Variants in BCAR3 observed in about 807,000 individuals in gnomAD.
BCAR3 encodes breast cancer anti-estrogen resistance protein 3.
Under a neutral mutation model 80.1 loss-of-function variants are expected in BCAR3, and 37 were observed. The ratio of observed to expected loss-of-function variants is 0.46; its 90% CI spans 0.36 to 0.61. BCAR3 has a LOEUF of 0.61. BCAR3 is among the 20% of genes least tolerant of loss of function. BCAR3 has a pLI of 0.00. For missense variants in BCAR3, 978 were observed against 1,068.2 expected (o/e 0.92, Z 1.18); for synonymous variants, 389 against 418.9 (o/e 0.93, Z 0.87).
intron 2 of BCAR3, among the ~76,000 whole-genome samples, chr1:93,706,305 G>C (rs1007114743): frequency 2.0e-5 from 3 of 152,022 alleles, no homozygotes; most frequent in African/African-American, 7.3e-5. Context: ...ACCTTCTCTG[G>C]GCTGCAGAGC....
chr1:93,652,144 G>T (rs1020201513), intron 2 of BCAR3, among the ~76,000 whole-genome samples: 1 of 152,198 alleles, frequency 6.6e-6, no homozygotes, highest in African/African-American at 2.4e-5. Context: ...AACCCAGCAA[G>T]GCCTGCTACG....
intron 2 of BCAR3, among the ~76,000 whole-genome samples, chr1:93,742,837 T>C (rs973463199): frequency 7.2e-5 from 11 of 152,142 alleles, no homozygotes; most frequent in Admixed American, 5.2e-4. Flanking sequence ...ATATAATTAT[T>C]TCAGAAATGC....
intron 3 of BCAR3, among the ~76,000 whole-genome samples, chr1:93,704,568 C>T (rs369314271): frequency 2.0e-5 from 3 of 152,228 alleles, no homozygotes; most frequent in African/African-American, 4.8e-5. Context: ...TTATACTACA[C>T]TTCACCACAT....
intron 2 of BCAR3, among the ~76,000 whole-genome samples, chr1:93,744,814 C>T (rs141107235): frequency 9.7e-4 from 148 of 152,290 alleles, no homozygotes; most frequent in African/African-American, 3.1e-3. Context: ...GTCTTCCCCA[C>T]GAGGAAATCC....
chr1:93,716,997 C>T (rs908009974), intron 2 of BCAR3, among the ~76,000 whole-genome samples: 4 of 152,244 alleles, frequency 2.6e-5, no homozygotes, highest in African/African-American at 7.2e-5. Flanking sequence ...ATCAATTTCT[C>T]TACTCCTTGA....
chr1:93,846,692 C>T (rs988376516), intron 1 of BCAR3: 3 of 338,316 alleles, frequency 8.9e-6, no homozygotes, highest in Non-Finnish European at 1.7e-5. Flanking sequence ...GCTCCCAGCG[C>T]TCCCACGCGT....
chr1:93,656,776 T>C (rs1647403955), intron 2 of BCAR3, among the ~76,000 whole-genome samples: 1 of 152,122 alleles, frequency 6.6e-6, no homozygotes, highest in Non-Finnish European at 1.5e-5. Context: ...GCTAATTTTT[T>C]AATCTTTTGC....
chr1:93,666,556 G>A (rs1266870823), intron 2 of BCAR3, among the ~76,000 whole-genome samples: 1 of 152,116 alleles, frequency 6.6e-6, no homozygotes, highest in Non-Finnish European at 1.5e-5. Context: ...CTAAGGACAG[G>A]GGATACATCT....
intron 2 of BCAR3, among the ~76,000 whole-genome samples, chr1:93,733,729 G>A (rs993960427): frequency 6.6e-6 from 1 of 152,224 alleles, no homozygotes; most frequent in Admixed American, 6.5e-5. Flanking sequence ...GCACACATGT[G>A]TATGCACGTG....
chr1:93,844,820 C>T (rs189669616), intron 2 of BCAR3, among the ~76,000 whole-genome samples: 4 of 151,884 alleles, frequency 2.6e-5, no homozygotes, highest in East Asian at 3.9e-4. Context: ...GTGATCCTCC[C>T]GCCTCAGCCT....
At chr1:93,798,873 A>C (rs1653376472) in intron 2 of BCAR3, among the ~76,000 whole-genome samples, 1 of 152,204 alleles carries the variant, frequency 6.6e-6, no homozygotes, top group South Asian at 2.1e-4. Context: ...TACAGACTGT[A>C]TGCTGTTCCA....
chr1:93,690,835 A>C (rs1175601690), intron 3 of BCAR3, among the ~76,000 whole-genome samples: 1 of 152,180 alleles, frequency 6.6e-6, no homozygotes, highest in Non-Finnish European at 1.5e-5. Context: ...TAGGCCTTTA[A>C]TGTATATTCG....
At chr1:93,741,010 G>A (rs1651156523) in intron 2 of BCAR3, among the ~76,000 whole-genome samples, 1 of 152,188 alleles carries the variant, frequency 6.6e-6, no homozygotes, top group Admixed American at 6.5e-5. Context: ...TGAAAGCGTG[G>A]CTTTTTGCCT....
chr1:93,592,251 A>T lies in BCAR3; in HGVS notation c.486+14T>A. The T allele has an allele frequency of 6.2e-7, 1 of 1,613,458 alleles. No individual in the cohort carries two copies. The highest frequency in any genetic ancestry group is 8.5e-7 in the Non-Finnish European group (1 of 1,180,006). ...AGCAGCCGTGTATGCTCTGGAAGGGACAAGACCAGGTACCTGTCGGGGGAT... is the reference window on the plus strand; with the variant it reads ...AGCAGCCGTGTATGCTCTGGAAGGGTCAAGACCAGGTACCTGTCGGGGGAT... On this transcript the variant is annotated intron_variant, in intron 4 of 11. Coordinates refer to ENST00000260502, the MANE Select transcript of BCAR3 (RefSeq NM_003567.4). The surrounding 1 kb of genome is among the most constrained non-coding windows in gnomAD (Gnocchi z 4.8).
chr1:93,744,849 G>A (rs960133974), intron 2 of BCAR3, among the ~76,000 whole-genome samples: 2 of 152,196 alleles, frequency 1.3e-5, no homozygotes, highest in African/African-American at 4.8e-5. Context: ...CTGCCATGGT[G>A]TCTGAGAGAA....
At chr1:93,770,862 A>G (rs1209048533) in intron 2 of BCAR3, among the ~76,000 whole-genome samples, 1 of 151,230 alleles carries the variant, frequency 6.6e-6, no homozygotes, top group African/African-American at 2.4e-5. Context: ...TTTGGTGCAC[A>G]CTCCCACCCC....
intron 2 of BCAR3, among the ~76,000 whole-genome samples, chr1:93,834,511 C>T (rs1654694002): frequency 6.6e-6 from 1 of 152,180 alleles, no homozygotes; most frequent in African/African-American, 2.4e-5. Flanking sequence ...TTTCATTACA[C>T]ACAGCTGAAG....
At chr1:93,721,619 G>A (rs1452339256) in intron 2 of BCAR3, among the ~76,000 whole-genome samples, 1 of 152,194 alleles carries the variant, frequency 6.6e-6, no homozygotes, top group Non-Finnish European at 1.5e-5. Context: ...AATGCTTGAG[G>A]CACATCTTCT....
chr1:93,672,365 G>A (rs545281465), intron 2 of BCAR3, among the ~76,000 whole-genome samples: 2 of 151,768 alleles, frequency 1.3e-5, no homozygotes, highest in East Asian at 3.9e-4. Context: ...TGTAAGAGCT[G>A]GCACCTAGCC....
Sources: gnomAD v4.1 joint callset for allele counts (sites outside exome capture counted in the v4.1 genomes callset) on GRCh38, gnomAD v4.1.1 for gene constraint, Gnocchi (gnomAD v3.1) non-coding constraint, MANE v1.5 for transcripts, NCBI Gene and HGNC (gene_info 2026-07-23, HGNC 2026-07-21) for gene names.